The following STARD3NL variants were observed in gnomAD, a reference collection of about 807,000 sequenced individuals.
STARD3NL encodes the protein STARD3 N-terminal like, also known as STARD3 N-terminal-like protein.
In STARD3NL, 17 loss-of-function variants were observed where a neutral mutation model predicts 30.9. The ratio of observed to expected loss-of-function variants is 0.55; its 90% confidence interval spans 0.38 to 0.82. The LOEUF (loss-of-function observed/expected upper bound fraction) is 0.82, where lower values mean the gene tolerates loss of function less well. Ranked by LOEUF, STARD3NL falls within the 40% of genes least tolerant of loss-of-function variation. The pLI, the probability that STARD3NL is intolerant of heterozygous loss-of-function variation, is 0.00. For synonymous variants in STARD3NL, 112 were observed against 100.5 expected, an observed-to-expected ratio of 1.11 and a Z score of -0.69; for missense variants, 234 against 277.6, an observed-to-expected ratio of 0.84 and a Z score of 1.12.
In STARD3NL at chr7:38,230,201, C is replaced by T. The variant is rs1787021426; in HGVS notation, c.*296C>T. ...GTGAAGAAAGTCTTGTGCTGTATTCCTAATCAAAAGACTTAATATATTGAA... is the reference window on the plus strand; with the variant it reads ...GTGAAGAAAGTCTTGTGCTGTATTCTTAATCAAAAGACTTAATATATTGAA... On this transcript the variant is annotated 3_prime_UTR_variant, in exon 9 of 9. Coordinates refer to ENST00000009041, the MANE Select transcript of STARD3NL (RefSeq NM_032016.4). 6.6e-6 allele frequency: 1 copy of T among 152,604 alleles called. No individual in the cohort carries two copies. Among genetic ancestry groups the T allele is most frequent in the Admixed American group, 6.5e-5 (1 of 15,268 alleles). 9.5% of individuals were successfully genotyped at this position (152,604 alleles called of 1,614,324 possible). A position where few individuals can be genotyped will look rare whatever the true frequency, so the allele number is the denominator to read the frequency against.
intron 8 of STARD3NL, 136 bp downstream of exon 8, chr7:38,229,007 C>G: frequency 3.5e-6 from 2 of 564,396 alleles, no homozygotes; most frequent in Non-Finnish European, 6.0e-6. Flanking sequence ...ATTTATCAGT[C>G]ACATTTTATT....
In STARD3NL at chr7:38,179,289, A is replaced by C. The variant is rs1784150251; in HGVS notation, c.-59+869A>C. On this transcript the variant is annotated intron_variant, in intron 1 of 8. Transcript: ENST00000009041. ...CCTCTTTCTAGAAGCAGGATCTCAC[A>C]AAACGACTTATGGTATCCTTGTTTT... 2.0e-5 allele frequency: 3 copies of C among 152,256 alleles called. No individual in the cohort carries two copies. In the South Asian group the frequency reaches 6.2e-4, roughly 31 times the overall value. 9.4% of individuals were successfully genotyped at this position (152,256 alleles called of 1,614,324 possible).
At chr7:38,218,360 C>T (rs1786245706) in intron 6 of STARD3NL, among the ~76,000 whole-genome samples, 1 of 152,128 alleles carries the variant, frequency 6.6e-6, no homozygotes, top group Admixed American at 6.5e-5. Flanking sequence ...AAGGATAATT[C>T]AAGAGTAGAT....
chr7:38,188,466 C>A (rs1228596347), intron 1 of STARD3NL, among the ~76,000 whole-genome samples: 1 of 152,172 alleles, frequency 6.6e-6, no homozygotes, highest in Non-Finnish European at 1.5e-5. Flanking sequence ...TGTTTCCAGC[C>A]CTACTTTGTC....
intron 1 of STARD3NL, among the ~76,000 whole-genome samples, chr7:38,202,826 T>A (rs1411005709): frequency 1.3e-5 from 2 of 149,536 alleles, no homozygotes; most frequent in Non-Finnish European, 3.0e-5. Flanking sequence ...ATGCGGTGTT[T>A]GGTTTTTTGT....
intron 3 of STARD3NL, 147 bp downstream of exon 3, chr7:38,214,581 A>G (rs1303789400): frequency 5.5e-6 from 3 of 548,590 alleles, no homozygotes; most frequent in African/African-American, 3.9e-5. Flanking sequence ...CCACCCATTC[A>G]ATGTTCTCTC....
chr7:38,182,644 T>G (rs559412767), intron 1 of STARD3NL, among the ~76,000 whole-genome samples: 1 of 152,284 alleles, frequency 6.6e-6, no homozygotes, highest in African/African-American at 2.4e-5. Context: ...GCTTTATTTG[T>G]GAGCTGACCT....
At chr7:38,216,934 T>C in intron 4 of STARD3NL, 91 bp from the exon 5 acceptor site, 1 of 1,495,022 alleles carries the variant, frequency 6.7e-7, no homozygotes, top group Admixed American at 1.8e-5. Context: ...CCTTGCCTGC[T>C]CCTGGCTCAG....
Position 38,207,586 on chromosome 7 carries a change from A to C in STARD3NL, c.82A>C (p.Ile28Leu). Reference protein sequence around the residue: ...SHASLRNIHSINPTQLMARIE... With the variant: ...SHASLRNIHSLNPTQLMARIE... ...TGCTTCTCTGCGCAATATCCATTCC[A>C]TCAACCCCACACAACTCATGGCCAG... The change falls in exon 2 of 9, where the codon ATC becomes CTC. Residue 28 changes from isoleucine to leucine, a missense_variant. Physicochemically the swap from Ile to Leu is conservative, Grantham distance 5. Transcript: ENST00000009041. 1 of 1,614,092 alleles carries C rather than the reference A, an allele frequency of 6.2e-7. No individual in the cohort carries two copies. Among genetic ancestry groups the C allele is most frequent in the Non-Finnish European group, 8.5e-7 (1 of 1,179,956 alleles).
intron 1 of STARD3NL, among the ~76,000 whole-genome samples, chr7:38,178,873 A>T (rs1348315397): frequency 6.6e-6 from 1 of 151,814 alleles, no homozygotes; most frequent in African/African-American, 2.4e-5. Flanking sequence ...TCAAAAAAAA[A>T]AAAAAGAAAG....
chr7:38,187,816 A>G (rs1224699767), intron 1 of STARD3NL, among the ~76,000 whole-genome samples: 8 of 152,120 alleles, frequency 5.3e-5, no homozygotes, highest in Non-Finnish European at 7.3e-5. Context: ...TTCTTGCTCA[A>G]AACTGCCCCT....
chr7:38,222,545 GTACTAA>G (rs541276573), intron 7 of STARD3NL, among the ~76,000 whole-genome samples: 14 of 152,172 alleles, frequency 9.2e-5, no homozygotes, highest in Non-Finnish European at 1.9e-4. Context: ...CAGGTTCTCA[GTACTAA>G]TGTATTTTCT....
intron 1 of STARD3NL, among the ~76,000 whole-genome samples, chr7:38,200,140 G>A (rs553967902): frequency 2.0e-5 from 3 of 152,304 alleles, no homozygotes; most frequent in South Asian, 2.1e-4. Context: ...TAGAAATGTA[G>A]TAGAGTTAAC....
chr7:38,186,301 T>G lies in STARD3NL; in HGVS notation c.-59+7881T>G, dbSNP rs186656395. ...TAGCCATCAGGTATTTTATAACTGA[T>G]GTATTGTGTGATTTTTTAGGACGGC... On this transcript the variant is annotated intron_variant, in intron 1 of 8. Transcript: ENST00000009041. 1.1e-3 allele frequency among the ~76,000 whole-genome samples: 160 copies of G among 152,334 alleles called. 1 individual carries two copies. The highest frequency in any genetic ancestry group is 3.7e-3 in the African/African-American group (154 of 41,580).
At chr7:38,185,645 G>A (rs1047682808) in intron 1 of STARD3NL, among the ~76,000 whole-genome samples, 19 of 152,112 alleles carry the variant, frequency 1.2e-4, no homozygotes, top group Admixed American at 9.8e-4. Flanking sequence ...CTTATCTCCC[G>A]CATTCCTGAG....
At chr7:38,188,365 G>T (rs1019646381) in intron 1 of STARD3NL, among the ~76,000 whole-genome samples, 1 of 152,102 alleles carries the variant, frequency 6.6e-6, no homozygotes, top group Non-Finnish European at 1.5e-5. Flanking sequence ...CTTCCTCCTT[G>T]TATCTACCTG....
rs1787022519 is a variant in STARD3NL, at chr7:38,230,222, T to A, written c.*317T>A. 6.6e-6 allele frequency: 1 copy of A among 152,654 alleles called. No individual in the cohort carries two copies. Among genetic ancestry groups the A allele is most frequent in the Admixed American group, 6.5e-5 (1 of 15,288 alleles). 9.5% of individuals were successfully genotyped at this position (152,654 alleles called of 1,614,324 possible). On this transcript the variant is annotated 3_prime_UTR_variant, in exon 9 of 9. Coordinates refer to ENST00000009041, the MANE Select transcript of STARD3NL (RefSeq NM_032016.4). ...ATTCCTAATCAAAAGACTTAATATA[T>A]TGAAGTAACACTTTTTTAGTAAGCA... is the stretch of plus-strand genomic sequence containing the variant.
intron 1 of STARD3NL, among the ~76,000 whole-genome samples, chr7:38,186,327 T>TA (rs769093206): frequency 4.6e-5 from 7 of 152,212 alleles, no homozygotes. Context: ...TTAGGACGGC[T>TA]AAAAGTAGAT....
At chr7:38,202,495 A>G (rs954036079) in intron 1 of STARD3NL, among the ~76,000 whole-genome samples, 2 of 152,140 alleles carry the variant, frequency 1.3e-5, no homozygotes, top group South Asian at 2.1e-4. Context: ...AAGGAGGGGG[A>G]AAATATAATC....
Sources: gnomAD v4.1 joint callset for allele counts (sites outside exome capture counted in the v4.1 genomes callset) on GRCh38, gnomAD v4.1.1 for gene constraint, MANE v1.5 for transcripts, NCBI Gene and HGNC (gene_info 2026-07-23, HGNC 2026-07-21) for gene names.